TBC1D15: variants seen among roughly 807,000 people sequenced by gnomAD.
The protein encoded by TBC1D15 is GAP for RAB7.
TBC1D15 carries 39 observed loss-of-function variants against 95.4 expected under a neutral mutation model. That is an observed-to-expected ratio of 0.41 (90% CI 0.32 to 0.53). TBC1D15 has a LOEUF of 0.53. Among genes scored for constraint, TBC1D15 ranks in the 20% least tolerant of loss-of-function variants. The probability of loss-of-function intolerance (pLI) is 0.29; values close to 1 mark genes in which losing one functional copy is unlikely to be tolerated. For missense variants in TBC1D15, 733 were observed against 794.3 expected (o/e 0.92, Z 0.93); for synonymous variants, 258 against 261.3 (o/e 0.99, Z 0.12).
chr12:71,857,665 A>G (rs1244687849), intron 1 of TBC1D15, among the ~76,000 whole-genome samples: 1 of 152,232 alleles, frequency 6.6e-6, no homozygotes, highest in Non-Finnish European at 1.5e-5. Flanking sequence ...AAATCTTAGT[A>G]TATTTATCAC....
In TBC1D15 at chr12:71,924,192, C is replaced by T. The variant is rs1185446848; in HGVS notation, c.*988C>T. The stretch of plus-strand genomic sequence containing the variant: ...TAATAATTTTTGTGTATGAACAAAG[C>T]TGTTGTTTTTACCATGCAGTATTGC... On this transcript the variant is annotated 3_prime_UTR_variant, in exon 17 of 17. Coordinates refer to ENST00000485960, the MANE Select transcript of TBC1D15 (RefSeq NM_001146213.3). 1 of 152,420 alleles carries T rather than the reference C, an allele frequency of 6.6e-6. No homozygotes were observed. The highest frequency in any genetic ancestry group is 2.4e-5 in the African/African-American group (1 of 41,386). The allele number at this position is 152,420 out of a possible 1,614,324, so 9.4% of individuals were successfully genotyped here.
At chr12:71,842,336 C>T (rs1329363733) in intron 1 of TBC1D15, among the ~76,000 whole-genome samples, 1 of 152,198 alleles carries the variant, frequency 6.6e-6, no homozygotes, top group Non-Finnish European at 1.5e-5. Flanking sequence ...TACTTAACCT[C>T]TCTGTGCTTC....
intron 3 of TBC1D15, among the ~76,000 whole-genome samples, chr12:71,875,562 C>A (rs1893626537): frequency 6.6e-6 from 1 of 151,498 alleles, no homozygotes; most frequent in Non-Finnish European, 1.5e-5. Flanking sequence ...CTTTCCCTAC[C>A]TTCTCCTCGC....
At position 71,896,013 on chromosome 12, in the gene TBC1D15, A is replaced by G; in HGVS notation, c.922A>G (p.Asn308Asp). ...GGTATCACTGGAAGAATGGACTAAG[A>G]ACATTGATTCTGAAGGAAGAATTTT... is the stretch of plus-strand genomic sequence containing the variant. The part of the protein sequence containing the change: ...EPVSLEEWTK[N>D]IDSEGRILNV... The change falls in exon 8 of 17, where the codon AAC becomes GAC. Residue 308 changes from asparagine to aspartate, a missense_variant. Transcript: ENST00000485960. 1.2e-6 allele frequency: 2 copies of G among 1,612,728 alleles called. No homozygotes were observed. The highest frequency in any genetic ancestry group is 1.7e-6 in the Non-Finnish European group (2 of 1,178,998).
chr12:71,854,524 CT>C (rs1888572671), intron 1 of TBC1D15: 1 of 454,688 alleles, frequency 2.2e-6, no homozygotes, highest in African/African-American at 2.0e-5. Context: ...TCTTGTTGGC[CT>C]GCATTAATTC....
chr12:71,917,637 G>T, intron 12 of TBC1D15, 61 bp from the exon 13 acceptor site: 2 of 1,112,244 alleles, frequency 1.8e-6, no homozygotes, highest in South Asian at 1.4e-5. Flanking sequence ...TTAGTTATCA[G>T]TCATTATGTA....
In TBC1D15 at chr12:71,923,362, A is replaced by G. The variant is rs955091732; in HGVS notation, c.*158A>G. ...ACATTAAAGCTTTACAAAGATTTAA[A>G]CTAATTATTTTTGTAGTTACTTCTA... On this transcript the variant is annotated 3_prime_UTR_variant, in exon 17 of 17. Transcript: ENST00000485960. 2.7e-5 allele frequency: 17 copies of G among 627,728 alleles called. No homozygotes were observed. Among genetic ancestry groups the G allele is most frequent in the Admixed American group, 2.0e-4 (6 of 30,730 alleles). 38.9% of individuals were successfully genotyped at this position (627,728 alleles called of 1,614,324 possible).
intron 1 of TBC1D15, among the ~76,000 whole-genome samples, chr12:71,859,326 C>G (rs1889857276): frequency 6.6e-6 from 1 of 151,860 alleles, no homozygotes; most frequent in South Asian, 2.1e-4. Flanking sequence ...TTTCGACTTT[C>G]TTGTATCTTC....
At chr12:71,855,928 G>T in intron 1 of TBC1D15, among the ~76,000 whole-genome samples, 1 of 147,584 alleles carries the variant, frequency 6.8e-6, no homozygotes, top group African/African-American at 2.6e-5. Flanking sequence ...TCTTGTTATT[G>T]TATGTGGTTT....
At chr12:71,887,796 A>G (rs766063613) in intron 5 of TBC1D15, among the ~76,000 whole-genome samples, 19 of 152,212 alleles carry the variant, frequency 1.2e-4, no homozygotes, top group South Asian at 6.2e-4. Context: ...TCTAGAATGT[A>G]TACTTCTGAA....
At chr12:71,857,180 C>T (rs920457295) in intron 1 of TBC1D15, among the ~76,000 whole-genome samples, 1 of 151,902 alleles carries the variant, frequency 6.6e-6, no homozygotes, top group African/African-American at 2.4e-5. Context: ...GAACTCCTGG[C>T]CTCAAGTGAT....
chr12:71,886,404 A>G (rs955636748), intron 5 of TBC1D15, among the ~76,000 whole-genome samples: 4 of 152,202 alleles, frequency 2.6e-5, no homozygotes, highest in Admixed American at 2.6e-4. Context: ...CCCTGACCTC[A>G]GGTTATCTGC....
In TBC1D15 at chr12:71,839,781, C is replaced by G; in HGVS notation, c.-1C>G. On this transcript the variant is annotated 5_prime_UTR_variant, in exon 1 of 17. Transcript: ENST00000485960. ...GTCATTACCAGGCACGCGCAGGAAA[C>G]ATGGCGGCGGCGGGTGTTGTGAGCG... 1 of 1,614,222 alleles carries G rather than the reference C, an allele frequency of 6.2e-7. No homozygotes were observed. Among genetic ancestry groups the G allele is most frequent in the South Asian group, 1.1e-5 (1 of 91,090 alleles).
At chr12:71,881,964 G>C (rs567676772) in intron 4 of TBC1D15, among the ~76,000 whole-genome samples, 15 of 148,290 alleles carry the variant, frequency 1.0e-4, no homozygotes, top group African/African-American at 3.5e-4. Flanking sequence ...TTCTAAGCCC[G>C]TGGGTTCATT....
chr12:71,844,996 T>C (rs898852279), intron 1 of TBC1D15, among the ~76,000 whole-genome samples: 1 of 152,208 alleles, frequency 6.6e-6, no homozygotes, highest in Non-Finnish European at 1.5e-5. Flanking sequence ...GTTCAAAGAA[T>C]TTGGGCAGGC....
intron 10 of TBC1D15, among the ~76,000 whole-genome samples, chr12:71,900,581 A>G (rs1043404001): frequency 2.0e-5 from 3 of 152,170 alleles, no homozygotes; most frequent in Non-Finnish European, 2.9e-5. Flanking sequence ...CATTCTTTCA[A>G]TAAGTTATTA....
Position 71,923,076 on chromosome 12 carries a change from A to G in TBC1D15, c.1897A>G (p.Met633Val), listed in dbSNP as rs925078572. 5 of 1,614,112 alleles carry G rather than the reference A, an allele frequency of 3.1e-6. No individual in the cohort carries two copies. The highest frequency in any genetic ancestry group is 2.7e-5 in the African/African-American group (2 of 74,940). ...SDVGEDENVVMTPCPTSAFQS... is the reference protein window; with the variant it reads ...SDVGEDENVVVTPCPTSAFQS... ...CGTTGGTGAAGACGAAAATGTTGTC[A>G]TGACTCCTTGTCCTACATCTGCATT... Residue 633 changes from methionine (M) to valine (V), a missense_variant, in exon 17 of 17, where the codon ATG becomes GTG. Met to Val is a conservative substitution (Grantham distance 21). Transcript: ENST00000485960.
chr12:71,887,453 C>G (rs1896454992), intron 5 of TBC1D15, among the ~76,000 whole-genome samples: 1 of 152,106 alleles, frequency 6.6e-6, no homozygotes, highest in African/African-American at 2.4e-5. Context: ...AAGGGCCTGC[C>G]CTATCTTAGC....
intron 4 of TBC1D15, among the ~76,000 whole-genome samples, chr12:71,881,104 C>G (rs1046850275): frequency 6.6e-6 from 1 of 152,100 alleles, no homozygotes; most frequent in Non-Finnish European, 1.5e-5. Flanking sequence ...AATGACTGAT[C>G]GCCTATATGT....
Sources: allele counts gnomAD v4.1 joint callset (sites outside exome capture counted in the v4.1 genomes callset), GRCh38; gene constraint gnomAD v4.1.1; transcripts MANE v1.5; gene names NCBI Gene and HGNC (gene_info 2026-07-23, HGNC 2026-07-21).